BICC1: variants seen among roughly 807,000 people sequenced by gnomAD.
BICC1 encodes the protein protein bicaudal C homolog 1.
BICC1 carries 43 observed loss-of-function variants against 111.0 expected under a neutral mutation model. The ratio of observed to expected loss-of-function variants is 0.39; its 90% CI spans 0.30 to 0.50. The LOEUF (loss-of-function observed/expected upper bound fraction) is 0.50, where lower values mean the gene tolerates loss of function less well. Among genes scored for constraint, BICC1 ranks in the 20% least tolerant of loss-of-function variants. The probability of loss-of-function intolerance (pLI) is 0.88; values close to 1 mark genes in which losing one functional copy is unlikely to be tolerated. For synonymous variants in BICC1, 467 were observed against 434.4 expected, an observed-to-expected ratio of 1.07 and a Z score of -0.93; for missense variants, 1,091 against 1,203.2, an observed-to-expected ratio of 0.91 and a Z score of 1.38.
chr10:58,512,932 G>C lies in BICC1; in HGVS notation c.-212G>C, dbSNP rs1489019019. Among the ~76,000 whole-genome samples the C allele has an allele frequency of 2.0e-5, 3 of 147,150 alleles. No homozygotes were observed. The highest frequency in any genetic ancestry group is 7.3e-5 in the African/African-American group (3 of 40,910). ...GCCACTGGACCCGGACCGGGGCCGC[G>C]ACCCGGGGTGGCGGGTGGCGTGGGC... On this transcript the variant is annotated 5_prime_UTR_variant, in exon 1 of 21. Transcript: ENST00000373886.
chr10:58,607,042 C>T (rs911817381), intron 1 of BICC1, among the ~76,000 whole-genome samples: 9 of 152,044 alleles, frequency 5.9e-5, no homozygotes, highest in Non-Finnish European at 1.2e-4. Flanking sequence ...GTCGGCCTGG[C>T]GCGGTGTCTC....
intron 18 of BICC1, among the ~76,000 whole-genome samples, chr10:58,817,065 T>A (rs2132954698): frequency 6.6e-6 from 1 of 152,232 alleles, no homozygotes; most frequent in African/African-American, 2.4e-5. Flanking sequence ...CCAGTTATAT[T>A]TTTTAGGGAG....
chr10:58,563,041 G>C (rs1843653801), intron 1 of BICC1, among the ~76,000 whole-genome samples: 2 of 152,108 alleles, frequency 1.3e-5, no homozygotes, highest in Non-Finnish European at 2.9e-5. Context: ...CTGCTTCTTG[G>C]TATACAGGTT....
intron 2 of BICC1, among the ~76,000 whole-genome samples, chr10:58,657,900 G>T (rs988657012): frequency 6.6e-6 from 1 of 152,072 alleles, no homozygotes; most frequent in African/African-American, 2.4e-5. Flanking sequence ...TATGTCTTCA[G>T]TTGTACAACT....
chr10:58,607,226 C>T (rs948174376), intron 1 of BICC1, among the ~76,000 whole-genome samples: 2 of 150,544 alleles, frequency 1.3e-5, no homozygotes, highest in East Asian at 4.0e-4. Context: ...TGAGGCAGGA[C>T]AATCCCTTGA....
intron 1 of BICC1, among the ~76,000 whole-genome samples, chr10:58,611,266 GA>G (rs1354461210): frequency 6.6e-6 from 1 of 151,968 alleles, no homozygotes; most frequent in Non-Finnish European, 1.5e-5. Context: ...AAAATACAAA[GA>G]AAAAATGATA....
At chr10:58,666,523 C>CT (rs907309757) in intron 2 of BICC1, among the ~76,000 whole-genome samples, 9 of 152,142 alleles carry the variant, frequency 5.9e-5, no homozygotes, top group Non-Finnish European at 1.2e-4. Context: ...CTGAATGTGA[C>CT]TTTTAATTTT....
At chr10:58,631,809 G>A (rs1389524798) in intron 2 of BICC1, among the ~76,000 whole-genome samples, 3 of 152,188 alleles carry the variant, frequency 2.0e-5, no homozygotes, top group African/African-American at 4.8e-5. Flanking sequence ...TTATTCTGGA[G>A]TTACCAGGAA....
At chr10:58,660,560 C>G (rs1295218613) in intron 2 of BICC1, among the ~76,000 whole-genome samples, 1 of 151,854 alleles carries the variant, frequency 6.6e-6, no homozygotes, top group Non-Finnish European at 1.5e-5. Flanking sequence ...CCCGTCTCTT[C>G]TCAGAAGGTG....
intron 2 of BICC1, 90 bp downstream of exon 2, chr10:58,620,991 T>A: frequency 9.1e-7 from 1 of 1,104,926 alleles, no homozygotes; most frequent in Non-Finnish European, 1.3e-6. Flanking sequence ...AACGCTCCCC[T>A]TCATGTGGAG....
In BICC1 at chr10:58,513,093, G is replaced by A. The variant is rs184291321; in HGVS notation, c.-51G>A. 5.0e-3 allele frequency: 6,604 copies of A among 1,308,536 alleles called. 286 individuals carry two copies. The African/African-American group carries it at 0.091, about 18-fold the overall frequency. The allele number at this position is 1,308,536 out of a possible 1,614,324, so 81.1% of individuals were successfully genotyped here. A position where few individuals can be genotyped will look rare whatever the true frequency, so the allele number is the denominator to read the frequency against. ...GCCCGGCCGGCGAGCGGAGGCGGCA[G>A]CGCAGGCAGAGCGGCGGCGGCAGCG... is the stretch of plus-strand genomic sequence containing the variant. On this transcript the variant is annotated 5_prime_UTR_variant, in exon 1 of 21. Coordinates refer to ENST00000373886, the MANE Select transcript of BICC1 (RefSeq NM_001080512.3).
chr10:58,736,943 T>A (rs1466185055), intron 3 of BICC1, among the ~76,000 whole-genome samples: 2 of 152,148 alleles, frequency 1.3e-5, no homozygotes, highest in Non-Finnish European at 2.9e-5. Context: ...TATTTTATTT[T>A]ATTTTTTTGT....
At chr10:58,758,965 ATTT>A (rs751160210) in intron 3 of BICC1, among the ~76,000 whole-genome samples, 5 of 149,964 alleles carry the variant, frequency 3.3e-5, no homozygotes, top group Non-Finnish European at 4.4e-5. Flanking sequence ...TTATTTATTT[ATTT>A]ATTTATTTTG....
At chr10:58,773,564 A>G (rs1334886283) in intron 3 of BICC1, among the ~76,000 whole-genome samples, 3 of 152,234 alleles carry the variant, frequency 2.0e-5, no homozygotes, top group Admixed American at 6.5e-5. Context: ...GTGGGAGCCC[A>G]GTGAAAAAGG....
chr10:58,820,921 G>C (rs909664144), intron 20 of BICC1, among the ~76,000 whole-genome samples: 1 of 152,114 alleles, frequency 6.6e-6, no homozygotes, highest in African/African-American at 2.4e-5. Context: ...AGTGTTACTT[G>C]TCTTAATTCT....
intron 2 of BICC1, among the ~76,000 whole-genome samples, chr10:58,627,028 G>A (rs1837653229): frequency 6.6e-6 from 1 of 152,084 alleles, no homozygotes; most frequent in Non-Finnish European, 1.5e-5. Flanking sequence ...CTTGAACCTG[G>A]GAGGCAGAGG....
At chr10:58,562,861 G>A (rs905577390) in intron 1 of BICC1, among the ~76,000 whole-genome samples, 1 of 152,116 alleles carries the variant, frequency 6.6e-6, no homozygotes, top group Admixed American at 6.6e-5. Context: ...GGCGTATTCA[G>A]TGTCAGCTGT....
intron 18 of BICC1, among the ~76,000 whole-genome samples, chr10:58,814,838 C>G (rs1289373970): frequency 6.6e-6 from 1 of 151,866 alleles, no homozygotes; most frequent in Non-Finnish European, 1.5e-5. Flanking sequence ...GAATTAGCAT[C>G]TTAGACCATT....
intron 1 of BICC1, among the ~76,000 whole-genome samples, chr10:58,514,274 G>A (rs983356927): frequency 1.3e-5 from 2 of 152,208 alleles, no homozygotes; most frequent in East Asian, 1.9e-4. Flanking sequence ...TTGAATGACT[G>A]TTATTCTTAA....
Sources: allele counts gnomAD v4.1 joint callset (sites outside exome capture counted in the v4.1 genomes callset), GRCh38; gene constraint gnomAD v4.1.1; transcripts MANE v1.5; gene names NCBI Gene and HGNC (gene_info 2026-07-23, HGNC 2026-07-21).